Variants in OXCT1 observed in about 807,000 individuals in gnomAD.
OXCT1 encodes the protein 3-oxoacid CoA-transferase 1, also known as succinyl-CoA:3-ketoacid coenzyme A transferase 1, mitochondrial.
Under a neutral mutation model 69.6 loss-of-function variants are expected in OXCT1, and 27 were observed. The ratio of observed to expected loss-of-function variants is 0.39; its 90% CI spans 0.29 to 0.54. The LOEUF (loss-of-function observed/expected upper bound fraction) is 0.54. OXCT1 is among the 20% of genes least tolerant of loss of function. The probability of loss-of-function intolerance (pLI) is 0.72; values close to 1 mark genes in which losing one functional copy is unlikely to be tolerated. For missense variants in OXCT1, 437 were observed against 650.2 expected (o/e 0.67, Z 3.57); for synonymous variants, 202 against 217.8 (o/e 0.93, Z 0.64).
At chr5:41,832,843 A>G (rs1334234446) in intron 7 of OXCT1, among the ~76,000 whole-genome samples, 1 of 152,220 alleles carries the variant, frequency 6.6e-6, no homozygotes, top group Non-Finnish European at 1.5e-5. Context: ...CAGAAATTCT[A>G]CATTTGAAAA....
chr5:41,839,961 C>G lies in OXCT1; in HGVS notation c.732+490G>C, dbSNP rs1448388917. Among the ~76,000 whole-genome samples, 3 of 152,304 alleles carry G rather than the reference C, an allele frequency of 2.0e-5. No individual in the cohort carries two copies. The East Asian group carries it at 5.8e-4, about 29-fold the overall frequency. ...AGCCTGGAAAGGCTGCAGAATTATC[C>G]AAGCCCCTTCCAAACACTGAGATAC... On this transcript the variant is annotated intron_variant, in intron 7 of 16. Coordinates refer to ENST00000196371, the MANE Select transcript of OXCT1 (RefSeq NM_000436.4).
chr5:41,751,609 A>AG (rs1452134979), intron 14 of OXCT1, among the ~76,000 whole-genome samples: 1 of 152,134 alleles, frequency 6.6e-6, no homozygotes, highest in Non-Finnish European at 1.5e-5. Context: ...ATGAAATGCA[A>AG]GGGTCCAGCA....
Position 41,794,846 on chromosome 5 carries a change from C to A in OXCT1, c.1100-97G>T, listed in dbSNP as rs1746100144. 6 of 1,327,524 alleles carry A rather than the reference C, an allele frequency of 4.5e-6. No individual in the cohort carries two copies. The East Asian group carries it at 1.4e-4, about 31-fold the overall frequency. 82.2% of individuals were successfully genotyped at this position (1,327,524 alleles called of 1,614,324 possible). A position where few individuals can be genotyped will look rare whatever the true frequency, so the allele number is the denominator to read the frequency against. Reference sequence around the variant, plus strand: ...CACATCTTCTCCATTCCCAAAAGAACTTAAGCTCCCTTTACCAAAATGCAG... The same window carrying A: ...CACATCTTCTCCATTCCCAAAAGAAATTAAGCTCCCTTTACCAAAATGCAG... On this transcript the variant is annotated intron_variant, in intron 11 of 16. Coordinates refer to ENST00000196371, the MANE Select transcript of OXCT1 (RefSeq NM_000436.4).
intron 10 of OXCT1, among the ~76,000 whole-genome samples, chr5:41,801,433 C>A (rs1746420983): frequency 6.6e-6 from 1 of 152,104 alleles, no homozygotes; most frequent in African/African-American, 2.4e-5. Flanking sequence ...GTGGCTCATG[C>A]CTGTAATCTC....
At chr5:41,818,920 T>A (rs1228147342) in intron 7 of OXCT1, among the ~76,000 whole-genome samples, 1 of 142,062 alleles carries the variant, frequency 7.0e-6, no homozygotes, top group East Asian at 1.9e-4. Context: ...AAGTGACTCG[T>A]TTAAAAAAAA....
rs760161340 is a variant in OXCT1, at chr5:41,861,306, A to C, written c.278+8T>G. ...CTCCAGCCAATTGTTTTTAAAATGC[A>C]CACTTACCCTGCATTGTTGCTGACT... On this transcript the variant is annotated splice_region_variant and intron_variant, in intron 3 of 16. Transcript: ENST00000196371. The C allele has an allele frequency of 2.4e-5, 37 of 1,549,282 alleles. No individual in the cohort carries two copies. The Middle Eastern group carries it at 6.7e-4, about 28-fold the overall frequency.
chr5:41,864,906 G>A (rs1041405886), intron 1 of OXCT1, among the ~76,000 whole-genome samples: 1 of 152,156 alleles, frequency 6.6e-6, no homozygotes, highest in East Asian at 1.9e-4. Context: ...GCTGGAAGGG[G>A]AAGAAAATTA....
intron 1 of OXCT1, among the ~76,000 whole-genome samples, chr5:41,866,770 A>G (rs1404675846): frequency 1.3e-5 from 2 of 152,238 alleles, no homozygotes; most frequent in Non-Finnish European, 2.9e-5. Context: ...TTGAGGGAAC[A>G]TACATGTTCT....
At chr5:41,743,679 G>C (rs1743312539) in intron 15 of OXCT1, among the ~76,000 whole-genome samples, 1 of 152,176 alleles carries the variant, frequency 6.6e-6, no homozygotes, top group Non-Finnish European at 1.5e-5. Context: ...AAGGGATCCA[G>C]TTTCAGCTTT....
rs1474708673 is a variant in OXCT1, at chr5:41,803,141, A to T, written c.978T>A (p.Pro326=). ...GMYANLGIGI[P]LLASNFISPN... is the part of the protein sequence containing the mutation. The stretch of plus-strand genomic sequence containing the variant: ...GGCTGATAAAATTGCTGGCCAGGAG[A>T]GGGATTCCTATGCCCAAATTAGCTG... The change falls in exon 10 of 17, where the codon CCT becomes CCA. Residue 326 remains proline, a synonymous_variant. Coordinates refer to ENST00000196371, the MANE Select transcript of OXCT1 (RefSeq NM_000436.4). 6.2e-7 allele frequency: 1 copy of T among 1,611,160 alleles called. No homozygotes were observed. Among genetic ancestry groups the T allele is most frequent in the East Asian group, 2.2e-5 (1 of 44,764 alleles).
chr5:41,789,585 A>C (rs1284136479), intron 13 of OXCT1, among the ~76,000 whole-genome samples: 1 of 152,190 alleles, frequency 6.6e-6, no homozygotes, highest in Non-Finnish European at 1.5e-5. Flanking sequence ...ACCAGTATTT[A>C]AGCTCAAGTC....
intron 7 of OXCT1, among the ~76,000 whole-genome samples, chr5:41,816,082 T>C (rs1380725718): frequency 1.3e-5 from 2 of 152,216 alleles, no homozygotes; most frequent in African/African-American, 4.8e-5. Context: ...TTGATTTGAA[T>C]TCAGCATGAG....
intron 7 of OXCT1, among the ~76,000 whole-genome samples, chr5:41,808,751 T>A (rs1486107601): frequency 6.6e-6 from 1 of 152,078 alleles, no homozygotes; most frequent in Non-Finnish European, 1.5e-5. Flanking sequence ...TCCAGTATTT[T>A]CTATTCGAGG....
intron 10 of OXCT1, 103 bp downstream of exon 10, chr5:41,802,966 C>G: frequency 1.2e-6 from 1 of 826,104 alleles, no homozygotes; most frequent in South Asian, 1.4e-5. Context: ...TCACTTGCAC[C>G]CTAAAAGCTA....
At chr5:41,817,686 A>G (rs1370064245) in intron 7 of OXCT1, among the ~76,000 whole-genome samples, 1 of 152,200 alleles carries the variant, frequency 6.6e-6, no homozygotes, top group African/African-American at 2.4e-5. Flanking sequence ...TTATTTGCCA[A>G]TTCATTACTT....
chr5:41,859,903 T>TGTA, intron 3 of OXCT1, among the ~76,000 whole-genome samples: 3 of 139,922 alleles, frequency 2.1e-5, no homozygotes, highest in African/African-American at 5.1e-5. Context: ...TATATATATA[T>TGTA]ATATACACAC....
intron 5 of OXCT1, among the ~76,000 whole-genome samples, chr5:41,847,365 G>C (rs1450566957): frequency 1.3e-5 from 2 of 152,068 alleles, no homozygotes; most frequent in Admixed American, 6.6e-5. Flanking sequence ...GGAGGAACTG[G>C]TACCATTCCT....
chr5:41,833,178 C>T lies in OXCT1; in HGVS notation c.732+7273G>A, dbSNP rs187298941. 3.2e-3 allele frequency among the ~76,000 whole-genome samples: 493 copies of T among 152,010 alleles called. 2 individuals are homozygous for T. The highest frequency in any genetic ancestry group is 6.8e-3 in the Middle Eastern group (2 of 294). ...TTATAGAACACCAAGCAAATTTAAC[C>T]CAAGGAAGACTACCTCCAAAGCTAC... is the stretch of plus-strand genomic sequence containing the variant. On this transcript the variant is annotated intron_variant, in intron 7 of 16. Coordinates refer to ENST00000196371, the MANE Select transcript of OXCT1 (RefSeq NM_000436.4).
intron 12 of OXCT1, 176 bp from the exon 13 acceptor site, chr5:41,794,254 C>A: frequency 3.1e-6 from 2 of 641,910 alleles, no homozygotes; most frequent in Non-Finnish European, 2.8e-6. Context: ...ACTAAAAATT[C>A]TTTTTGAAAA....
Sources: gnomAD v4.1 joint callset for allele counts (sites outside exome capture counted in the v4.1 genomes callset) on GRCh38, gnomAD v4.1.1 for gene constraint, MANE v1.5 for transcripts, NCBI Gene and HGNC (gene_info 2026-07-23, HGNC 2026-07-21) for gene names.